WDFY3: variants seen among roughly 807,000 people sequenced by gnomAD.
WDFY3 encodes the protein WD repeat and FYVE domain containing 3, also known as WD repeat and FYVE domain-containing protein 3.
Under a neutral mutation model 409.6 loss-of-function variants are expected in WDFY3, and 66 were observed. The observed-to-expected ratio is 0.16, with a 90% CI of 0.13 to 0.20. The LOEUF is 0.20. Among genes scored for constraint, WDFY3 ranks in the 10% least tolerant of loss-of-function variants. The pLI is 1.00. For synonymous variants in WDFY3, 1,521 were observed against 1,537.1 expected, an observed-to-expected ratio of 0.99 and a Z score of 0.25; for missense variants, 3,031 against 4,298.1, an observed-to-expected ratio of 0.71 and a Z score of 8.24.
chr4:84,896,154 G>A (rs896432707), intron 3 of WDFY3, among the ~76,000 whole-genome samples: 10 of 152,058 alleles, frequency 6.6e-5, no homozygotes, highest in African/African-American at 2.4e-4. Context: ...TACTCAGGAG[G>A]CTGAGGCAGG....
Position 84,789,762 on chromosome 4 carries a change from G to C in WDFY3, c.3633C>G (p.Ala1211=). 2 of 1,613,206 alleles carry C rather than the reference G, an allele frequency of 1.2e-6. No homozygotes were observed. The highest frequency in any genetic ancestry group is 1.7e-6 in the Non-Finnish European group (2 of 1,179,920). The change falls in exon 22 of 68, where the codon GCC becomes GCG. Residue 1211 remains alanine (A), a synonymous_variant. Coordinates refer to ENST00000295888, the MANE Select transcript of WDFY3 (RefSeq NM_014991.6). ...TAACAAGCTGTCCATCAATATAAAG[G>C]GCTGCAGTACTGTTTTTCAACATGC... ...SKGMLKNSTA[A]LYIDGQLVNT...
At chr4:84,827,328 A>G (rs1273585303) in intron 9 of WDFY3, among the ~76,000 whole-genome samples, 2 of 152,212 alleles carry the variant, frequency 1.3e-5, no homozygotes, top group Non-Finnish European at 2.9e-5. Flanking sequence ...CTTATTCTTA[A>G]GCTTATCTTT....
Position 84,796,722 on chromosome 4 carries a change from C to G in WDFY3, c.2966G>C (p.Gly989Ala). The G allele has an allele frequency of 6.2e-7, 1 of 1,613,720 alleles. No homozygotes were observed. Among genetic ancestry groups the G allele is most frequent in the Non-Finnish European group, 8.5e-7 (1 of 1,179,780 alleles). The part of the protein sequence containing the change: ...SSMITSLEGL[G>A]TDNVFSLHED... The stretch of plus-strand genomic sequence containing the variant: ...ATGTAAGCTAAAAACATTATCAGTA[C>G]CCAGACCTTCCAGAGATGTGATCAT... The change falls in exon 19 of 68, where the codon GGT (glycine) becomes GCT (alanine). Residue 989 changes from glycine to alanine, a missense_variant. Around this residue, in one of 16 missense-constraint regions of WDFY3, gnomAD observed 1,322 missense variants for 1,697.9 expected, o/e 0.78. Transcript: ENST00000295888.
chr4:84,810,333 C>T lies in WDFY3; in HGVS notation c.1899G>A (p.Ser633=), dbSNP rs575820665. 13 of 1,598,122 alleles carry T rather than the reference C, an allele frequency of 8.1e-6. No homozygotes were observed. In the East Asian group the frequency reaches 9.0e-5, roughly 11 times the overall value. ...LKTDILRALL[S]VLRESHRSRT... ...TTGAACGATGGCTTTCTCGAAGGAC[C>T]GACAGGAGGGCCTACAGGAGACAAA... is the stretch of plus-strand genomic sequence containing the variant. The change falls in exon 14 of 68, where the codon TCG becomes TCA. Residue 633 remains serine, a synonymous_variant. Coordinates refer to ENST00000295888, the MANE Select transcript of WDFY3 (RefSeq NM_014991.6).
chr4:84,751,419 G>T, intron 36 of WDFY3, 64 bp downstream of exon 36: 2 of 1,500,560 alleles, frequency 1.3e-6, no homozygotes, highest in Non-Finnish European at 1.8e-6. Context: ...AACTTGTTTG[G>T]TTACTAATGT....
intron 2 of WDFY3, among the ~76,000 whole-genome samples, chr4:84,915,618 C>A (rs1768376746): frequency 6.6e-6 from 1 of 152,192 alleles, no homozygotes; most frequent in South Asian, 2.1e-4. Context: ...AAGCCAAGTT[C>A]ATTGCAGACT....
At chr4:84,904,123 G>C (rs931170154) in intron 2 of WDFY3, among the ~76,000 whole-genome samples, 1 of 152,224 alleles carries the variant, frequency 6.6e-6, no homozygotes, top group African/African-American at 2.4e-5. Flanking sequence ...GACACAGCAA[G>C]AAGGTCCTGT....
chr4:84,906,374 T>C (rs1413946479), intron 2 of WDFY3, among the ~76,000 whole-genome samples: 2 of 152,200 alleles, frequency 1.3e-5, no homozygotes, highest in African/African-American at 2.4e-5. Context: ...GACATGACTT[T>C]CTTATTTTCA....
intron 37 of WDFY3, among the ~76,000 whole-genome samples, chr4:84,742,871 T>C (rs1437351830): frequency 6.6e-6 from 1 of 152,210 alleles, no homozygotes; most frequent in Non-Finnish European, 1.5e-5. Context: ...ACAGAAATTC[T>C]GGAGGTGCCA....
intron 13 of WDFY3, among the ~76,000 whole-genome samples, chr4:84,810,636 A>C (rs2149734263): frequency 6.6e-6 from 1 of 152,342 alleles, no homozygotes; most frequent in Non-Finnish European, 1.5e-5. Context: ...TATGACATCA[A>C]TGAATTCAGT....
chr4:84,959,157 T>C (rs1015401490), intron 1 of WDFY3, among the ~76,000 whole-genome samples: 4 of 152,094 alleles, frequency 2.6e-5, no homozygotes, highest in African/African-American at 7.2e-5. Context: ...AGTCTTTTTT[T>C]AAAAAATGAA....
chr4:84,747,092 G>A (rs542448024), intron 36 of WDFY3, among the ~76,000 whole-genome samples: 11 of 152,278 alleles, frequency 7.2e-5, no homozygotes, highest in South Asian at 2.1e-4. Context: ...GGACAGGCAC[G>A]GTGATCTGCT....
At chr4:84,706,586 T>C (rs572732585) in intron 53 of WDFY3, among the ~76,000 whole-genome samples, 2 of 150,098 alleles carry the variant, frequency 1.3e-5, no homozygotes, top group African/African-American at 4.9e-5. Flanking sequence ...TACCATGTTA[T>C]ACAGCTATAG....
intron 2 of WDFY3, among the ~76,000 whole-genome samples, chr4:84,910,125 T>C (rs950157693): frequency 6.6e-6 from 1 of 152,198 alleles, no homozygotes; most frequent in African/African-American, 2.4e-5. Context: ...TCATTATTCC[T>C]AAACAATACA....
chr4:84,745,137 C>A (rs971814518), intron 36 of WDFY3, among the ~76,000 whole-genome samples: 3 of 152,050 alleles, frequency 2.0e-5, no homozygotes, highest in Non-Finnish European at 4.4e-5. Context: ...AATCCAGGTG[C>A]ATAACTTTCC....
chr4:84,863,682 T>C (rs1285558630), intron 3 of WDFY3, among the ~76,000 whole-genome samples: 1 of 152,168 alleles, frequency 6.6e-6, no homozygotes, highest in Non-Finnish European at 1.5e-5. Context: ...TCAGGTATTA[T>C]ATTAAAGTCT....
intron 48 of WDFY3, among the ~76,000 whole-genome samples, chr4:84,717,892 C>A (rs187753348): frequency 1.4e-3 from 206 of 151,556 alleles, no homozygotes; most frequent in African/African-American, 4.8e-3. Flanking sequence ...ACTAAAAATA[C>A]AAAAAATTAG....
intron 1 of WDFY3, among the ~76,000 whole-genome samples, chr4:84,943,894 T>G (rs1447092028): frequency 6.6e-6 from 1 of 152,162 alleles, no homozygotes; most frequent in African/African-American, 2.4e-5. Flanking sequence ...AGTCTAAAAT[T>G]AGCAAGGAAG....
chr4:84,882,310 C>A (rs1450480182), intron 3 of WDFY3, among the ~76,000 whole-genome samples: 1 of 152,092 alleles, frequency 6.6e-6, no homozygotes, highest in Non-Finnish European at 1.5e-5. Flanking sequence ...TGCACAGCTC[C>A]ACCACCACTC....
Sources: gnomAD v4.1 joint callset for allele counts (sites outside exome capture counted in the v4.1 genomes callset) on GRCh38, gnomAD v4.1.1 for gene constraint, gnomAD v4.1.1 regional missense constraint, MANE v1.5 for transcripts, NCBI Gene and HGNC (gene_info 2026-07-23, HGNC 2026-07-21) for gene names.